Variants in SSUH2 observed in about 807,000 individuals in gnomAD.
SSUH2 encodes protein SSUH2 homolog.
A neutral mutation model predicts 55.3 loss-of-function variants in SSUH2; 47 were observed. The observed-to-expected ratio is 0.85, with a 90% CI of 0.67 to 1.08. SSUH2 has a LOEUF of 1.08. Ranked by LOEUF, SSUH2 falls within the 50% of genes least tolerant of loss-of-function variation. The pLI is 0.00. For missense variants in SSUH2, 535 were observed against 490.7 expected, an observed-to-expected ratio of 1.09 and a Z score of -0.85; for synonymous variants, 212 against 191.5, an observed-to-expected ratio of 1.11 and a Z score of -0.89.
chr3:8,639,804 A>T, intron 1 of SSUH2: 1 of 189,450 alleles, frequency 5.3e-6, no homozygotes, highest in Non-Finnish European at 9.8e-6. Flanking sequence ...AGTTTGTTTC[A>T]TACATTGTCT....
chr3:8,650,309 T>G (rs1280703380), intron 7 of SSUH2, among the ~76,000 whole-genome samples: 1 of 152,258 alleles, frequency 6.6e-6, no homozygotes, highest in African/African-American at 2.4e-5. Flanking sequence ...TGTCATAATC[T>G]GGATGTAGGC....
At chr3:8,644,880 A>AT, upstream of SSUH2, 2 of 784,684 alleles carry the variant, frequency 2.5e-6, no homozygotes, top group South Asian at 2.9e-5. Context: ...GTTGGAATAC[A>AT]ACAAAGGGAA....
intron 1 of SSUH2, among the ~76,000 whole-genome samples, chr3:8,640,820 T>C (rs143056443): frequency 6.6e-6 from 1 of 152,362 alleles, no homozygotes; most frequent in East Asian, 1.9e-4. Context: ...TTAAGTTATG[T>C]AGGCCACCCT....
chr3:8,634,609 G>A (rs991330261), intron 3 of SSUH2: 3 of 1,287,250 alleles, frequency 2.3e-6, no homozygotes, highest in African/African-American at 3.0e-5. Flanking sequence ...GGGCTGGAGA[G>A]GCCAGAGATG....
chr3:8,664,168 C>T (rs1168725455), intron 5 of SSUH2, among the ~76,000 whole-genome samples: 1 of 152,130 alleles, frequency 6.6e-6, no homozygotes, highest in Non-Finnish European at 1.5e-5. Flanking sequence ...GACGGGGAGC[C>T]CAAGTGGATT....
chr3:8,630,929 T>G lies in SSUH2; in HGVS notation c.401A>C (p.Asn134Thr). Reference sequence around the variant, plus strand: ...TCTTTGCGGCCCATCCACAGAGTGGTCTGACACAGAAAGGGGTCATTGTAA... The same window carrying G: ...TCTTTGCGGCCCATCCACAGAGTGGGCTGACACAGAAAGGGGTCATTGTAA... ...ISEWTFQPFT[N>T]HSVDGPQRGA... The change falls in exon 6 of 12, where the codon AAC (asparagine) becomes ACC (threonine). Residue 134 changes from asparagine to threonine, a missense_variant and splice_region_variant. By Grantham distance (65) the Asn-to-Thr change is moderately conservative (BLOSUM62 0). Coordinates refer to ENST00000544814, the MANE Select transcript of SSUH2 (RefSeq NM_001256748.3). 2.1e-6 allele frequency: 3 copies of G among 1,417,340 alleles called. No homozygotes were observed. The highest frequency in any genetic ancestry group is 2.8e-6 in the Non-Finnish European group (3 of 1,079,994). The allele number at this position is 1,417,340 out of a possible 1,614,324, so 87.8% of individuals were successfully genotyped here.
chr3:8,651,082 T>A (rs1179322772), intron 7 of SSUH2, among the ~76,000 whole-genome samples: 1 of 152,226 alleles, frequency 6.6e-6, no homozygotes, highest in East Asian at 1.9e-4. Context: ...TTCCTACTAA[T>A]CTGATCCATT....
At chr3:8,629,404 CA>C (rs764987878) in intron 7 of SSUH2, 8 of 517,804 alleles carry the variant, frequency 1.5e-5, no homozygotes, top group Non-Finnish European at 2.7e-5. Context: ...AGCAGGTATT[CA>C]GTGTATGTTG....
At chr3:8,670,573 A>G (rs1204038766) in intron 5 of SSUH2, among the ~76,000 whole-genome samples, 1 of 152,074 alleles carries the variant, frequency 6.6e-6, no homozygotes, top group African/African-American at 2.4e-5. Flanking sequence ...CAATAAAAAT[A>G]ACATCCCCCT....
In SSUH2 at chr3:8,679,190, C is replaced by T. The variant is rs1453036028; in HGVS notation, c.-901+515G>A. Among the ~76,000 whole-genome samples, 5 of 76,378 alleles carry T rather than the reference C, an allele frequency of 6.5e-5. 2 individuals carry two copies. The highest frequency in any genetic ancestry group is 1.4e-4 in the Non-Finnish European group (5 of 35,448). The allele number at this position is 76,378 out of a possible 152,430, so 50.1% of individuals were successfully genotyped here. A position where few individuals can be genotyped will look rare whatever the true frequency, so the allele number is the denominator to read the frequency against. The stretch of plus-strand genomic sequence containing the variant: ...CAGCCGCTGTTCCCCCACACTGGCT[C>T]TTGGGACCCCCATCGCAGGGGGGAT... On this transcript the variant is annotated intron_variant, in intron 2 of 18. Coordinates refer to the SSUH2 transcript ENST00000317371.
rs764219295 is a variant in SSUH2, at chr3:8,633,926, C to A, written c.210-131G>T. The stretch of plus-strand genomic sequence containing the variant: ...AGTGGTAAAGCCCTCAGCAGTCCAA[C>A]TGGGGAGGGCATCTCCTGCAAAGGG... On this transcript the variant is annotated intron_variant, in intron 3 of 11. Transcript: ENST00000544814. 13 of 1,613,820 alleles carry A rather than the reference C, an allele frequency of 8.1e-6. No individual in the cohort carries two copies. In the South Asian group the frequency reaches 1.3e-4, roughly 16 times the overall value.
chr3:8,650,294 A>T (rs999032918), intron 7 of SSUH2, among the ~76,000 whole-genome samples: 2 of 152,190 alleles, frequency 1.3e-5, no homozygotes, highest in African/African-American at 4.8e-5. Flanking sequence ...GTTTTGTTCA[A>T]CACCTGTCAT....
intron 8 of SSUH2, chr3:8,627,121 C>T (rs1697754232): frequency 6.6e-6 from 1 of 152,248 alleles, no homozygotes; most frequent in Non-Finnish European, 1.5e-5. Flanking sequence ...ACCAACCCAA[C>T]CTTGAGTATT....
intron 1 of SSUH2, among the ~76,000 whole-genome samples, chr3:8,639,347 C>T (rs1262218004): frequency 6.6e-6 from 1 of 152,166 alleles, no homozygotes; most frequent in African/African-American, 2.4e-5. Flanking sequence ...TCACGATAAC[C>T]AGTTTTCCCT....
chr3:8,679,940 T>C (rs1205545432), intron 1 of SSUH2: 1 of 152,120 alleles, frequency 6.6e-6, no homozygotes, highest in Non-Finnish European at 1.5e-5. Context: ...GCCAAGCCTT[T>C]GTATGAGGTC....
chr3:8,629,724 T>C lies in SSUH2; in HGVS notation c.528A>G (p.Glu176=), dbSNP rs772759885. 1.9e-6 allele frequency: 3 copies of C among 1,614,078 alleles called. No individual in the cohort carries two copies. The South Asian group carries it at 3.3e-5, about 18-fold the overall frequency. Residue 176 remains glutamate, a splice_region_variant and synonymous_variant, in exon 7 of 12, where the codon GAA becomes GAG. Coordinates refer to ENST00000544814, the MANE Select transcript of SSUH2 (RefSeq NM_001256748.3). Reference sequence around the variant, plus strand: ...GCCCACGCCCATGGCATTTGTGGCATTCCTGAAAGTGCAACGCTTTCTTGG... The same window carrying C: ...GCCCACGCCCATGGCATTTGTGGCACTCCTGAAAGTGCAACGCTTTCTTGG... ...FQVPHSSLVK[E]CHKCHGRGRY... is the part of the protein sequence containing the mutation.
rs367672915 is a variant in SSUH2, at chr3:8,630,910, C to T, written c.420G>A (p.Pro140=). Residue 140 remains proline, a synonymous_variant, in exon 6 of 12, where the codon CCG becomes CCA. Transcript: ENST00000544814. Reference sequence around the variant, plus strand: ...AGAGCCTGGGGGAGGCGCCTCTTTGCGGCCCATCCACAGAGTGGTCTGACA... The same window carrying T: ...AGAGCCTGGGGGAGGCGCCTCTTTGTGGCCCATCCACAGAGTGGTCTGACA... ...QPFTNHSVDG[P]QRGASPRLWD... 6.6e-5 allele frequency: 96 copies of T among 1,447,152 alleles called. No individual in the cohort carries two copies. The highest frequency in any genetic ancestry group is 3.7e-4 in the Middle Eastern group (2 of 5,444). The allele number at this position is 1,447,152 out of a possible 1,614,324, so 89.6% of individuals were successfully genotyped here.
At chr3:8,670,482 T>C (rs1474763615) in intron 5 of SSUH2, among the ~76,000 whole-genome samples, 2 of 152,060 alleles carry the variant, frequency 1.3e-5, no homozygotes, top group Non-Finnish European at 2.9e-5. Flanking sequence ...ACACCCCATG[T>C]GACATTAGGG....
intron 3 of SSUH2, among the ~76,000 whole-genome samples, chr3:8,673,824 G>C (rs1357785418): frequency 6.6e-6 from 1 of 152,166 alleles, no homozygotes; most frequent in East Asian, 1.9e-4. Context: ...AGCTCTCTTG[G>C]AAGCATTAAA....
Sources: gnomAD v4.1 joint callset for allele counts (sites outside exome capture counted in the v4.1 genomes callset) on GRCh38, gnomAD v4.1.1 for gene constraint, MANE v1.5 for transcripts, NCBI Gene and HGNC (gene_info 2026-07-23, HGNC 2026-07-21) for gene names.